The following TDRD5 variants were observed in gnomAD, a reference collection of about 807,000 sequenced individuals.
TDRD5 encodes the protein tudor domain-containing protein 5.
TDRD5 carries 41 observed loss-of-function variants against 120.6 expected under a neutral mutation model. The observed-to-expected ratio is 0.34, with a 90% CI of 0.26 to 0.44. TDRD5 has a LOEUF of 0.44. Ranked by LOEUF, TDRD5 falls within the 20% of genes least tolerant of loss-of-function variation. The pLI is 1.00. For missense variants in TDRD5, 1,006 were observed against 1,221.2 expected, an observed-to-expected ratio of 0.82 and a Z score of 2.63; for synonymous variants, 430 against 433.7, an observed-to-expected ratio of 0.99 and a Z score of 0.11.
intron 6 of TDRD5, among the ~76,000 whole-genome samples, chr1:179,623,768 G>A (rs1395205561): frequency 6.6e-6 from 1 of 151,012 alleles, no homozygotes; most frequent in Non-Finnish European, 1.5e-5. Context: ...TGAGTAGCTG[G>A]GACTACAGAC....
chr1:179,594,848 A>G (rs1282503828), intron 3 of TDRD5, among the ~76,000 whole-genome samples: 1 of 152,242 alleles, frequency 6.6e-6, no homozygotes, highest in Non-Finnish European at 1.5e-5. Flanking sequence ...CAACTTTATC[A>G]GTATTCTTGA....
At chr1:179,599,742 C>T (rs1324452438) in intron 4 of TDRD5, among the ~76,000 whole-genome samples, 1 of 152,074 alleles carries the variant, frequency 6.6e-6, no homozygotes, top group African/African-American at 2.4e-5. Context: ...TTCACTTATA[C>T]ACAGTCATGC....
chr1:179,598,954 A>G (rs1371309950), intron 4 of TDRD5, among the ~76,000 whole-genome samples: 1 of 152,086 alleles, frequency 6.6e-6, no homozygotes, highest in African/African-American at 2.4e-5. Context: ...TCCTAACTAT[A>G]TGGGGAAAAT....
chr1:179,636,796 G>A (rs1677786376), intron 9 of TDRD5, among the ~76,000 whole-genome samples: 1 of 152,220 alleles, frequency 6.6e-6, no homozygotes, highest in Non-Finnish European at 1.5e-5. Context: ...TTACTCGAAA[G>A]TTTGATTTTT....
At chr1:179,592,470 C>A in intron 1 of TDRD5, 132 bp from the exon 2 acceptor site, 1 of 687,742 alleles carries the variant, frequency 1.5e-6, no homozygotes, top group Non-Finnish European at 2.4e-6. Flanking sequence ...CGCAGGGCAC[C>A]CTCATACTAC....
At chr1:179,596,808 T>A (rs1481883462) in intron 4 of TDRD5, among the ~76,000 whole-genome samples, 1 of 152,236 alleles carries the variant, frequency 6.6e-6, no homozygotes, top group African/African-American at 2.4e-5. Context: ...ATAGTTCATT[T>A]CTCTTGTGTA....
Position 179,683,659 on chromosome 1 carries a change from GT to G in TDRD5, c.2861-7032del, listed in dbSNP as rs1680546560. Reference sequence around the variant, plus strand: ...TTTCTCTGAATTTTTTGAAATCTATGTTTTTAAGATCTAGAACAGTGCTATT... The same window carrying G: ...TTTCTCTGAATTTTTTGAAATCTATGTTTTAAGATCTAGAACAGTGCTATT... On this transcript the variant is annotated intron_variant, in intron 17 of 17. Transcript: ENST00000444136. 2.6e-5 allele frequency among the ~76,000 whole-genome samples: 4 copies of G among 152,256 alleles called. No individual in the cohort carries two copies. The South Asian group carries it at 6.2e-4, about 24-fold the overall frequency.
intron 14 of TDRD5, among the ~76,000 whole-genome samples, chr1:179,660,219 T>G (rs1054816952): frequency 4.0e-5 from 5 of 125,638 alleles, no homozygotes; most frequent in Admixed American, 3.2e-4. Flanking sequence ...TGGTTTTTTT[T>G]TTTTTTTTTT....
chr1:179,600,791 C>T (rs963029834), intron 4 of TDRD5, among the ~76,000 whole-genome samples: 1 of 152,084 alleles, frequency 6.6e-6, no homozygotes, highest in Non-Finnish European at 1.5e-5. Flanking sequence ...AGCTACATCT[C>T]CCAAACTTTG....
chr1:179,654,325 C>T lies in TDRD5; in HGVS notation c.2285C>T (p.Ser762Phe), dbSNP rs1678876643. The change falls in exon 14 of 18, where the codon TCC becomes TTC. Residue 762 changes from serine to phenylalanine, a missense_variant. Coordinates refer to ENST00000444136, the MANE Select transcript of TDRD5 (RefSeq NM_001199085.3). ...AGCTTTGAAGAAGATCCAAAGTGGT[C>T]CAACCCAGAACCAAACGATCTGAAG... ...NKSFEEDPKW[S>F]NPEPNDLKEE... is the part of the protein sequence containing the mutation. 1 of 1,547,226 alleles carries T rather than the reference C, an allele frequency of 6.5e-7. No homozygotes were observed. The highest frequency in any genetic ancestry group is 1.4e-5 in the African/African-American group (1 of 72,976).
In TDRD5 at chr1:179,690,881, C is replaced by T. The variant is rs1268703808; in HGVS notation, c.3046C>T (p.Arg1016Trp). 2 of 1,613,790 alleles carry T rather than the reference C, an allele frequency of 1.2e-6. No individual in the cohort carries two copies. Among genetic ancestry groups the T allele is most frequent in the South Asian group, 1.1e-5 (1 of 91,066 alleles). The change falls in exon 18 of 18, where the codon CGG (arginine) becomes TGG (tryptophan). Residue 1016 changes from arginine to tryptophan, a missense_variant. Coordinates refer to ENST00000444136, the MANE Select transcript of TDRD5 (RefSeq NM_001199085.3). ...TATAALGAAA[R>W]LATSRSLLHW... ...CACTGCTGCCTTAGGTGCTGCCGCA[C>T]GGTTAGCTACATCCAGGAGCCTCCT...
chr1:179,689,236 G>A (rs1680959421), intron 17 of TDRD5, among the ~76,000 whole-genome samples: 1 of 152,168 alleles, frequency 6.6e-6, no homozygotes, highest in African/African-American at 2.4e-5. Flanking sequence ...GTTTTGGTGT[G>A]GATGTCCTTT....
intron 4 of TDRD5, among the ~76,000 whole-genome samples, chr1:179,610,476 G>A (rs1017124528): frequency 2.6e-5 from 4 of 152,072 alleles, no homozygotes; most frequent in African/African-American, 9.7e-5. Context: ...TTTTTAAAAT[G>A]GCTTTTGTTA....
Position 179,618,680 on chromosome 1 carries a change from T to C in TDRD5, c.913T>C (p.Phe305Leu), listed in dbSNP as rs754953153. 6.4e-7 allele frequency: 1 copy of C among 1,570,854 alleles called. No homozygotes were observed. Residue 305 changes from phenylalanine (F) to leucine (L), a missense_variant and splice_region_variant, in exon 5 of 18, where the codon TTT (phenylalanine) becomes CTT (leucine). Physicochemically the swap from Phe to Leu is conservative, Grantham distance 22 (BLOSUM62 0). Coordinates refer to ENST00000444136, the MANE Select transcript of TDRD5 (RefSeq NM_001199085.3). ...ISSELKHKIK[F>L]VVSKFPEGLF... ...TTCAGAACTAAAACATAAGATAAAA[T>C]TTGTAAGTAATTTCTGTTTCTGGGA... is the stretch of plus-strand genomic sequence containing the variant.
At chr1:179,689,696 T>C (rs1191606337) in intron 17 of TDRD5, among the ~76,000 whole-genome samples, 1 of 152,176 alleles carries the variant, frequency 6.6e-6, no homozygotes, top group Non-Finnish European at 1.5e-5. Context: ...TGTGGTGGGC[T>C]CCACTCAATT....
intron 7 of TDRD5, among the ~76,000 whole-genome samples, chr1:179,634,034 G>A (rs958636012): frequency 6.6e-6 from 1 of 151,894 alleles, no homozygotes; most frequent in African/African-American, 2.4e-5. Context: ...AGCCCGGCAT[G>A]GTGGCGGGTG....
chr1:179,683,180 G>A (rs1306501392), intron 17 of TDRD5, among the ~76,000 whole-genome samples: 1 of 152,066 alleles, frequency 6.6e-6, no homozygotes, highest in East Asian at 1.9e-4. Flanking sequence ...AATTCTTTTC[G>A]GGCAGTGAGC....
chr1:179,662,018 C>G (rs1679335221), intron 14 of TDRD5, 86 bp from the exon 15 acceptor site: 2 of 1,283,032 alleles, frequency 1.6e-6, no homozygotes, highest in Admixed American at 3.0e-5. Flanking sequence ...TACCTGGAGT[C>G]AGGAAAAAAC....
chr1:179,612,956 A>G (rs944773686), intron 4 of TDRD5, among the ~76,000 whole-genome samples: 2 of 149,292 alleles, frequency 1.3e-5, no homozygotes, highest in African/African-American at 5.0e-5. Context: ...AAAAAAAAAA[A>G]GAGTACCCCA....
Sources: allele counts gnomAD v4.1 joint callset (sites outside exome capture counted in the v4.1 genomes callset), GRCh38; gene constraint gnomAD v4.1.1; transcripts MANE v1.5; gene names NCBI Gene and HGNC (gene_info 2026-07-23, HGNC 2026-07-21).